PCDHGB2: variants seen among roughly 807,000 people sequenced by gnomAD.
The protein encoded by PCDHGB2 is protocadherin gamma-B2.
PCDHGB2 carries 55 observed loss-of-function variants against 59.3 expected under a neutral mutation model. The ratio of observed to expected loss-of-function variants is 0.93; its 90% CI spans 0.75 to 1.16. PCDHGB2 has a LOEUF of 1.16. PCDHGB2 is among the 50% of genes most tolerant of loss of function. PCDHGB2 has a pLI of 0.00. For synonymous variants in PCDHGB2, 516 were observed against 512.0 expected (o/e 1.01, Z -0.11); for missense variants, 1,228 against 1,198.5 (o/e 1.02, Z -0.36).
chr5:141,399,346 GACCGAGAGCAA>G, intron 1 of PCDHGB2: 1 of 1,613,890 alleles, frequency 6.2e-7, no homozygotes, highest in Non-Finnish European at 8.5e-7. Flanking sequence ...TGGAACCCTA[GACCGAGAGCAA>G]ACCCCGGAGT....
At chr5:141,384,308 C>T in intron 1 of PCDHGB2, 1 of 1,613,854 alleles carries the variant, frequency 6.2e-7, no homozygotes, top group Non-Finnish European at 8.5e-7. Context: ...AGAGGGGCCT[C>T]CATTTTCTTA....
rs372676262 is a variant in PCDHGB2 at position 141,404,832 on chromosome 5, G to A, written c.2421+42276G>A. On this transcript the variant is annotated intron_variant, in intron 1 of 3. Coordinates refer to ENST00000522605, the MANE Select transcript of PCDHGB2 (RefSeq NM_018923.3). ...GTGGGGCTGCACACAGGTGAAGTGCGCACAGCTCGGGCCCTGCTAGATAGA... is the reference window on the plus strand; with the variant it reads ...GTGGGGCTGCACACAGGTGAAGTGCACACAGCTCGGGCCCTGCTAGATAGA... 34 of 1,613,864 alleles carry A rather than the reference G, an allele frequency of 2.1e-5. No individual in the cohort carries two copies. Among genetic ancestry groups the A allele is most frequent in the Middle Eastern group, 1.6e-4 (1 of 6,062 alleles).
chr5:141,390,528 G>T (rs1438036547), intron 1 of PCDHGB2: 1 of 537,820 alleles, frequency 1.9e-6, no homozygotes, highest in Non-Finnish European at 3.3e-6. Context: ...TGAGGGTGTG[G>T]TTTTAACCAC....
chr5:141,436,040 C>A (rs989038133), intron 1 of PCDHGB2, among the ~76,000 whole-genome samples: 2 of 152,060 alleles, frequency 1.3e-5, no homozygotes, highest in African/African-American at 4.8e-5. Context: ...TTTGTATTTA[C>A]ATTAGTTTTC....
intron 1 of PCDHGB2, among the ~76,000 whole-genome samples, chr5:141,462,430 T>C (rs1471523013): frequency 2.0e-5 from 3 of 152,230 alleles, no homozygotes; most frequent in African/African-American, 4.8e-5. Flanking sequence ...TTGGTGAGTG[T>C]TGCTTACACA....
intron 1 of PCDHGB2, chr5:141,365,741 A>C: frequency 1.2e-6 from 2 of 1,613,506 alleles, no homozygotes; most frequent in African/African-American, 1.3e-5. Context: ...AGGTGTCTCT[A>C]TCTTCTCTGT....
At chr5:141,463,438 CTTTTTTTTTTTTTT>C (rs71576115) in intron 1 of PCDHGB2, among the ~76,000 whole-genome samples, 7 of 103,256 alleles carry the variant, frequency 6.8e-5, no homozygotes, top group Non-Finnish European at 9.4e-5. Flanking sequence ...TTTCCTTCTC[CTTTTTTTTTTTTTT>C]TTTTTTTTTT....
chr5:141,414,181 A>G, intron 1 of PCDHGB2: 2 of 1,609,294 alleles, frequency 1.2e-6, no homozygotes, highest in South Asian at 1.1e-5. Context: ...TGCAACTGCA[A>G]AAGTGTTGAT....
At position 141,511,032 on chromosome 5, in the gene PCDHGB2, G is replaced by T. The variant is rs779589499; in HGVS notation, c.2655G>T (p.Gln885His). 6.2e-7 allele frequency: 1 copy of T among 1,614,228 alleles called. No individual in the cohort carries two copies. Among genetic ancestry groups the T allele is most frequent in the South Asian group, 1.1e-5 (1 of 91,090 alleles). ...GCTACGGACCCCAGTTCACCCTGCAGCACGTGCCCGACTACCGCCAGAATG... is the reference window on the plus strand; with the variant it reads ...GCTACGGACCCCAGTTCACCCTGCATCACGTGCCCGACTACCGCCAGAATG... ...SARYGPQFTLQHVPDYRQNVY... is the reference protein window; with the variant it reads ...SARYGPQFTLHHVPDYRQNVY... Residue 885 changes from glutamine (Q) to histidine (H), a missense_variant, in exon 4 of 4, where the codon CAG (glutamine) becomes CAT (histidine). Gln to His is a conservative substitution (Grantham distance 24, BLOSUM62 0). Coordinates refer to ENST00000522605, the MANE Select transcript of PCDHGB2 (RefSeq NM_018923.3).
intron 1 of PCDHGB2, chr5:141,398,850 A>T (rs2093714845): frequency 6.2e-7 from 1 of 1,613,864 alleles, no homozygotes; most frequent in East Asian, 2.2e-5. Context: ...ATCCCCCGGT[A>T]TTCAACCGAG....
At position 141,395,074 on chromosome 5, in the gene PCDHGB2, C is replaced by T. The variant is rs368699767; in HGVS notation, c.2421+32518C>T. The T allele has an allele frequency of 3.9e-5, 63 of 1,614,048 alleles. No homozygotes were observed. The African/African-American group carries it at 6.0e-4, about 15-fold the overall frequency. Reference sequence around the variant, plus strand: ...GTACAGGCTTTCCTGCAGACCTATTCCCAGGAAGTCTCCCTCACCGCCGAC... The same window carrying T: ...GTACAGGCTTTCCTGCAGACCTATTTCCAGGAAGTCTCCCTCACCGCCGAC... On this transcript the variant is annotated intron_variant, in intron 1 of 3. Transcript: ENST00000522605.
At chr5:141,458,403 C>T (rs1057108239) in intron 1 of PCDHGB2, among the ~76,000 whole-genome samples, 6 of 152,136 alleles carry the variant, frequency 3.9e-5, no homozygotes, top group African/African-American at 1.2e-4. Context: ...CTTGCAGAGA[C>T]GGAGCGGGGG....
chr5:141,408,738 C>T, intron 1 of PCDHGB2: 2 of 1,609,632 alleles, frequency 1.2e-6, no homozygotes, highest in Non-Finnish European at 1.7e-6. Flanking sequence ...CCTTATTTTT[C>T]ATTAATGGTT....
At chr5:141,464,816 G>A (rs11167751) in intron 1 of PCDHGB2, among the ~76,000 whole-genome samples, 42,470 of 151,904 alleles carry the variant, frequency 0.28, 6,668 homozygotes, top group African/African-American at 0.43. Context: ...ATAGCTCACT[G>A]TAGCCTCGCA....
chr5:141,502,500 G>C (rs1398797155), intron 2 of PCDHGB2, among the ~76,000 whole-genome samples: 1 of 152,046 alleles, frequency 6.6e-6, no homozygotes, highest in Non-Finnish European at 1.5e-5. Flanking sequence ...ATCTAACGTC[G>C]GCCTGTCCCA....
intron 1 of PCDHGB2, chr5:141,402,966 C>G (rs749578447): frequency 6.8e-6 from 11 of 1,605,942 alleles, no homozygotes; most frequent in Non-Finnish European, 8.5e-6. Context: ...GCAGCTCCAA[C>G]CAAATGCCAG....
At position 141,493,396 on chromosome 5, in the gene PCDHGB2, G is replaced by A. The variant is rs562217310; in HGVS notation, c.2422-1411G>A. 1.3e-5 allele frequency among the ~76,000 whole-genome samples: 2 copies of A among 152,274 alleles called. No homozygotes were observed. Among genetic ancestry groups the A allele is most frequent in the East Asian group, 3.9e-4 (2 of 5,178 alleles). The stretch of plus-strand genomic sequence containing the variant: ...TTTAAAAGCTTGAGGACAGGAGAGG[G>A]GAGTTGCCTCTGCTGGGATTTTGCT... On this transcript the variant is annotated intron_variant, in intron 1 of 3. Transcript: ENST00000522605. This position sits in a 1 kb window ranked among gnomAD's most constrained non-coding sequence, Gnocchi z 4.3.
intron 1 of PCDHGB2, chr5:141,423,869 T>A (rs1239422805): frequency 5.4e-6 from 7 of 1,285,484 alleles, no homozygotes; most frequent in Non-Finnish European, 6.9e-6. Flanking sequence ...TGAAAGTCAT[T>A]TTTCAATCTT....
At chr5:141,459,300 A>G (rs954766370) in intron 1 of PCDHGB2, among the ~76,000 whole-genome samples, 2 of 152,202 alleles carry the variant, frequency 1.3e-5, no homozygotes, top group Non-Finnish European at 2.9e-5. Context: ...ATCCTATAAC[A>G]TATACTATTT....
Sources: gnomAD v4.1 joint callset for allele counts (sites outside exome capture counted in the v4.1 genomes callset) on GRCh38, gnomAD v4.1.1 for gene constraint, Gnocchi (gnomAD v3.1) non-coding constraint, MANE v1.5 for transcripts, NCBI Gene and HGNC (gene_info 2026-07-23, HGNC 2026-07-21) for gene names.